Variants in AFG2A observed in about 807,000 individuals in gnomAD.
The protein encoded by AFG2A is ATPase family gene 2 protein homolog A.
the AFG2A span, among the ~76,000 whole-genome samples, chr4:122,939,088 T>C: frequency 7.8e-6 from 1 of 127,786 alleles, no homozygotes; most frequent in Admixed American, 7.5e-5. Context: ...TTTTTTTTTT[T>C]TTTTTTTTTT....
chr4:123,009,564 G>C, the AFG2A span, among the ~76,000 whole-genome samples: 3 of 152,142 alleles, frequency 2.0e-5, no homozygotes, highest in Admixed American at 6.6e-5. Context: ...TCTGTTTGAG[G>C]ATCCCTTGTA....
the AFG2A span, among the ~76,000 whole-genome samples, chr4:123,275,891 A>G: frequency 1.3e-5 from 2 of 152,188 alleles, no homozygotes; most frequent in Non-Finnish European, 2.9e-5. Flanking sequence ...CCAATCTACT[A>G]TTAATGAGCA....
chr4:123,192,724 G>A, the AFG2A span, among the ~76,000 whole-genome samples: 3 of 152,282 alleles, frequency 2.0e-5, no homozygotes, highest in African/African-American at 7.2e-5. Flanking sequence ...CTGTGGCCCA[G>A]AAGTGTATTG....
At chr4:123,155,986 C>T in the AFG2A span, among the ~76,000 whole-genome samples, 3 of 152,178 alleles carry the variant, frequency 2.0e-5, no homozygotes, top group African/African-American at 4.8e-5. Context: ...TGAATTGGCT[C>T]ATGGTTCTGC....
chr4:123,263,443 A>T, the AFG2A span, among the ~76,000 whole-genome samples: 4 of 152,192 alleles, frequency 2.6e-5, no homozygotes, highest in African/African-American at 7.2e-5. Flanking sequence ...AGCACCTTAT[A>T]TAGAGTTATT....
At chr4:122,987,293 T>C in the AFG2A span, among the ~76,000 whole-genome samples, 1 of 152,138 alleles carries the variant, frequency 6.6e-6, no homozygotes, top group Non-Finnish European at 1.5e-5. Context: ...GCTTTAACAA[T>C]GCATATAGAA....
chr4:123,024,517 G>T, the AFG2A span, among the ~76,000 whole-genome samples: 58 of 152,286 alleles, frequency 3.8e-4, no homozygotes, highest in Non-Finnish European at 6.9e-4. Context: ...CGGAGTCTGA[G>T]TCTTGTCATG....
the AFG2A span, among the ~76,000 whole-genome samples, chr4:123,141,322 G>C: frequency 1.4e-4 from 21 of 152,250 alleles, no homozygotes; most frequent in Non-Finnish European, 2.2e-4. Flanking sequence ...AATTAGCCAG[G>C]CATGGTGGCG....
chr4:123,275,691 CTT>C, the AFG2A span, among the ~76,000 whole-genome samples: 2 of 152,084 alleles, frequency 1.3e-5, no homozygotes, highest in African/African-American at 4.8e-5. Context: ...TTGTTCCCCT[CTT>C]TGTGTCCATG....
chr4:123,069,333 G>A, the AFG2A span, among the ~76,000 whole-genome samples: 5 of 151,990 alleles, frequency 3.3e-5, no homozygotes, highest in South Asian at 2.1e-4. Flanking sequence ...CTTTTTTTGC[G>A]TAAACAAGCA....
the AFG2A span, among the ~76,000 whole-genome samples, chr4:123,041,467 T>C: frequency 6.6e-6 from 1 of 151,706 alleles, no homozygotes; most frequent in Non-Finnish European, 1.5e-5. Context: ...GCCTCAAATA[T>C]TGATTTTTAG....
the AFG2A span, chr4:123,315,114 T>C: frequency 6.6e-6 from 1 of 152,002 alleles, no homozygotes; most frequent in African/African-American, 2.4e-5. Context: ...TATGAAGCAT[T>C]CATGTTTTTA....
the AFG2A span, chr4:123,056,577 A>G: frequency 1.9e-6 from 1 of 516,474 alleles, no homozygotes; most frequent in Non-Finnish European, 3.1e-6. Context: ...TTCTTCAGGT[A>G]AATATTATTT....
At chr4:122,947,434 A>G in the AFG2A span, 1 of 1,614,148 alleles carries the variant, frequency 6.2e-7, no homozygotes, top group Non-Finnish European at 8.5e-7. Flanking sequence ...GCAGCTGGCA[A>G]ATAGTGCTCA....
chr4:123,197,993 G>A, the AFG2A span, among the ~76,000 whole-genome samples: 3 of 151,756 alleles, frequency 2.0e-5, no homozygotes, highest in South Asian at 2.1e-4. Flanking sequence ...GAAACGAGCC[G>A]GGCGTGATGG....
At chr4:122,936,267 T>C in the AFG2A span, 1 of 602,432 alleles carries the variant, frequency 1.7e-6, no homozygotes, top group East Asian at 3.3e-5. Context: ...ATTATAGTGA[T>C]AGTGGTAGAA....
At chr4:123,122,773 G>GTTTTTT in the AFG2A span, among the ~76,000 whole-genome samples, 1 of 140,080 alleles carries the variant, frequency 7.1e-6, no homozygotes, top group Non-Finnish European at 1.6e-5. Context: ...CATGTCATCT[G>GTTTTTT]TTTTTTTGTT....
the AFG2A span, among the ~76,000 whole-genome samples, chr4:122,940,525 G>T: frequency 6.6e-6 from 1 of 152,070 alleles, no homozygotes; most frequent in Non-Finnish European, 1.5e-5. Context: ...GTAGATTCTG[G>T]ATATTAGCCC....
the AFG2A span, among the ~76,000 whole-genome samples, chr4:123,235,644 T>A: frequency 6.6e-6 from 1 of 152,198 alleles, no homozygotes; most frequent in East Asian, 1.9e-4. Context: ...GACTGAATAA[T>A]CAAATACCTG....
Sources: allele counts gnomAD v4.1 joint callset (sites outside exome capture counted in the v4.1 genomes callset), GRCh38; gene constraint gnomAD v4.1.1; transcripts MANE v1.5; gene names NCBI Gene and HGNC (gene_info 2026-07-23, HGNC 2026-07-21).